The following BLTP1 variants were observed in gnomAD, a reference collection of about 807,000 sequenced individuals.
BLTP1 encodes the protein fragile site-associated protein.
At chr4:122,239,813 T>C in the BLTP1 span, 1 of 1,614,166 alleles carries the variant, frequency 6.2e-7, no homozygotes, top group Non-Finnish European at 8.5e-7. Flanking sequence ...ATTCATTTCA[T>C]CAGTATCGAT....
chr4:122,293,395 T>G, the BLTP1 span, among the ~76,000 whole-genome samples: 1 of 151,998 alleles, frequency 6.6e-6, no homozygotes, highest in Non-Finnish European at 1.5e-5. Flanking sequence ...CAGGGTGAGG[T>G]GATGGCCCAC....
At chr4:122,201,032 C>T in the BLTP1 span, 1 of 1,612,864 alleles carries the variant, frequency 6.2e-7, no homozygotes, top group Non-Finnish European at 8.5e-7. Flanking sequence ...CCAGCTACCC[C>T]CGAATATGGA....
the BLTP1 span, chr4:122,298,802 C>T: frequency 7.8e-6 from 7 of 896,520 alleles, no homozygotes; most frequent in Non-Finnish European, 8.0e-6. Context: ...GATGATTGAG[C>T]GCCTTTCAAG....
At chr4:122,165,227 C>T in the BLTP1 span, among the ~76,000 whole-genome samples, 8 of 151,934 alleles carry the variant, frequency 5.3e-5, no homozygotes, top group Admixed American at 2.0e-4. Flanking sequence ...CCCTCTCCCC[C>T]GCACCCTATG....
the BLTP1 span, among the ~76,000 whole-genome samples, chr4:122,299,290 T>A: frequency 3.9e-5 from 6 of 152,264 alleles, no homozygotes; most frequent in South Asian, 1.0e-3. Flanking sequence ...TTGATAAATA[T>A]ATGCACTCAG....
chr4:122,316,251 A>G, the BLTP1 span: 1 of 356,724 alleles, frequency 2.8e-6, no homozygotes, highest in Non-Finnish European at 5.7e-6. Context: ...TTGATTTTTA[A>G]AAATTATTTT....
At chr4:122,355,275 T>C in the BLTP1 span, among the ~76,000 whole-genome samples, 6 of 152,174 alleles carry the variant, frequency 3.9e-5, no homozygotes, top group Admixed American at 2.6e-4. Context: ...TAAGACTCTA[T>C]AGTTTAATCA....
chr4:122,186,051 C>T, the BLTP1 span: 16 of 1,579,636 alleles, frequency 1.0e-5, no homozygotes, highest in Non-Finnish European at 1.4e-5. Flanking sequence ...AAGGCAGAAA[C>T]CAGGTTATAC....
chr4:122,157,317 G>A, the BLTP1 span, among the ~76,000 whole-genome samples: 1 of 152,164 alleles, frequency 6.6e-6, no homozygotes, highest in African/African-American at 2.4e-5. Flanking sequence ...CAGCAAAGAT[G>A]TAGGTTGGGA....
the BLTP1 span, chr4:122,267,654 A>G: frequency 2.1e-6 from 2 of 968,108 alleles, no homozygotes; most frequent in Non-Finnish European, 2.5e-6. Context: ...TTGAGAGTCT[A>G]GCCATCAGAA....
At chr4:122,314,253 G>T in the BLTP1 span, 1 of 383,792 alleles carries the variant, frequency 2.6e-6, no homozygotes, top group Non-Finnish European at 3.6e-6. Flanking sequence ...GCAGTATTCA[G>T]ATTTGTCCAA....
At chr4:122,315,281 T>C in the BLTP1 span, 1 of 355,266 alleles carries the variant, frequency 2.8e-6, no homozygotes, top group Non-Finnish European at 3.9e-6. Flanking sequence ...ATAGGTGCTA[T>C]ACAGAGGAAA....
the BLTP1 span, chr4:122,293,138 T>TTA: frequency 1.0e-6 from 1 of 977,142 alleles, no homozygotes; most frequent in Non-Finnish European, 1.2e-6. Context: ...GCACTTAAAC[T>TTA]TATATATTTA....
At chr4:122,187,384 G>A in the BLTP1 span, 1 of 1,604,678 alleles carries the variant, frequency 6.2e-7, no homozygotes, top group Non-Finnish European at 8.5e-7. Flanking sequence ...ATGTCCTCAG[G>A]TATTTAAGGT....
chr4:122,154,902 G>A, the BLTP1 span: 1 of 919,128 alleles, frequency 1.1e-6, no homozygotes, highest in Middle Eastern at 5.6e-4. Flanking sequence ...ATGAAGAAAA[G>A]TAGTTGACTT....
At chr4:122,358,082 T>G in the BLTP1 span, among the ~76,000 whole-genome samples, 1 of 152,184 alleles carries the variant, frequency 6.6e-6, no homozygotes, top group Non-Finnish European at 1.5e-5. Context: ...ATATTATATA[T>G]AAGTAGATAA....
the BLTP1 span, chr4:122,230,044 T>C: frequency 6.2e-7 from 1 of 1,614,164 alleles, no homozygotes. Context: ...AATTAAATAA[T>C]TGCAGAATTG....
chr4:122,249,282 C>T, the BLTP1 span: 1 of 588,244 alleles, frequency 1.7e-6, no homozygotes, highest in Non-Finnish European at 2.1e-6. Flanking sequence ...CTTTGAGCAA[C>T]TTGTTAATCA....
chr4:122,214,616 C>CTTTTTTTTTTT, the BLTP1 span: 1 of 77,720 alleles, frequency 1.3e-5, no homozygotes, highest in Non-Finnish European at 1.9e-5. Flanking sequence ...TCAGTAAATT[C>CTTTTTTTTTTT]TTTTTTTTTT....
Sources: gnomAD v4.1 joint callset for allele counts (sites outside exome capture counted in the v4.1 genomes callset) on GRCh38, gnomAD v4.1.1 for gene constraint, MANE v1.5 for transcripts, NCBI Gene and HGNC (gene_info 2026-07-23, HGNC 2026-07-21) for gene names.